DPP8: variants seen among roughly 807,000 people sequenced by gnomAD.
DPP8 encodes dipeptidyl peptidase 8.
In DPP8, 31 loss-of-function variants were observed where a neutral mutation model predicts 107.5. The ratio of observed to expected loss-of-function variants is 0.29; its 90% CI spans 0.22 to 0.39. The LOEUF (loss-of-function observed/expected upper bound fraction) is 0.39. Among genes scored for constraint, DPP8 ranks in the 10% least tolerant of loss-of-function variants. The pLI is 1.00. For missense variants in DPP8, 842 were observed against 1,076.1 expected (o/e 0.78, Z 3.04); for synonymous variants, 381 against 356.6 (o/e 1.07, Z -0.77).
chr15:65,451,188 C>G, intron 18 of DPP8, 78 bp from the exon 19 acceptor site: 1 of 830,828 alleles, frequency 1.2e-6, no homozygotes, highest in South Asian at 1.4e-5. Context: ...TTTAATCATA[C>G]TTAACCATAT....
intron 6 of DPP8, among the ~76,000 whole-genome samples, 158 bp from the exon 7 acceptor site, chr15:65,487,976 T>C (rs961432325): frequency 6.6e-6 from 1 of 152,184 alleles, no homozygotes; most frequent in African/African-American, 2.4e-5. Flanking sequence ...GTCTTTGCAG[T>C]AGCAAGGTGA....
At chr15:65,492,203 G>A (rs2068105298) in intron 5 of DPP8, among the ~76,000 whole-genome samples, 2 of 152,082 alleles carry the variant, frequency 1.3e-5, no homozygotes, top group Admixed American at 1.3e-4. Flanking sequence ...TTAGCCAGGT[G>A]TGATGGCAGG....
At chr15:65,485,999 C>G (rs1412972343) in intron 7 of DPP8, among the ~76,000 whole-genome samples, 1 of 150,958 alleles carries the variant, frequency 6.6e-6, no homozygotes, top group Non-Finnish European at 1.5e-5. Flanking sequence ...GGGGCTGAGG[C>G]AGGAGAATTG....
chr15:65,451,541 A>G (rs2063976095), intron 18 of DPP8, among the ~76,000 whole-genome samples: 1 of 152,204 alleles, frequency 6.6e-6, no homozygotes, highest in Admixed American at 6.5e-5. Flanking sequence ...CTAGTATAAC[A>G]TTTGTCTTGG....
chr15:65,483,934 T>C (rs973627041), intron 8 of DPP8, among the ~76,000 whole-genome samples: 2 of 152,182 alleles, frequency 1.3e-5, no homozygotes, highest in African/African-American at 2.4e-5. Flanking sequence ...TGGATGGACC[T>C]TGAAAACAAT....
rs1270934363 is a variant in DPP8, at chr15:65,446,411, T to C, written c.*473A>G. On this transcript the variant is annotated 3_prime_UTR_variant, in exon 20 of 20. Transcript: ENST00000300141. ...TAACATGCTGGATATGCCCAAGCAA[T>C]GAAGCATAAGCTATTCAATTACATT... The C allele has an allele frequency of 6.6e-6, 1 of 152,654 alleles. No homozygotes were observed. The highest frequency in any genetic ancestry group is 1.5e-5 in the Non-Finnish European group (1 of 68,036). 9.5% of individuals were successfully genotyped at this position (152,654 alleles called of 1,614,324 possible).
At chr15:65,494,123 C>T (rs1479897503) in intron 5 of DPP8, among the ~76,000 whole-genome samples, 1 of 143,302 alleles carries the variant, frequency 7.0e-6, no homozygotes, top group African/African-American at 2.6e-5. Context: ...AAATGGTAGA[C>T]TTGAAATTCA....
At chr15:65,463,094 A>G (rs974175663) in intron 15 of DPP8, among the ~76,000 whole-genome samples, 11 of 152,226 alleles carry the variant, frequency 7.2e-5, no homozygotes, top group Admixed American at 5.2e-4. Flanking sequence ...CTTTCTAAAA[A>G]TATCTGTTAA....
At chr15:65,459,400 T>A (rs2140414657) in intron 15 of DPP8, 1 of 152,294 alleles carries the variant, frequency 6.6e-6, no homozygotes, top group Middle Eastern at 3.4e-3. Context: ...ACTCCTGGGC[T>A]AAAGCGATCC....
intron 8 of DPP8, 74 bp from the exon 9 acceptor site, chr15:65,481,689 A>C (rs1697595799): frequency 1.1e-6 from 1 of 925,234 alleles, no homozygotes; most frequent in Non-Finnish European, 1.6e-6. Flanking sequence ...GTCTACTTTA[A>C]CAATTTATCC....
chr15:65,480,748 C>CGATCATGCCACTGCACT (rs1491141974), intron 9 of DPP8, among the ~76,000 whole-genome samples: 1 of 152,036 alleles, frequency 6.6e-6, no homozygotes, highest in East Asian at 1.9e-4. Flanking sequence ...CAGTAAGCTA[C>CGATCATGCCACTGCACT]GATCATGCCA....
chr15:65,447,002 T>C lies in DPP8; in HGVS notation c.2531A>G (p.Tyr844Cys), dbSNP rs2063527396. ...TCTTATGCTGTGTCTCTCCTGAGGA[T>C]AGATCTTACCAACAACAAAAAATAA... is the stretch of plus-strand genomic sequence containing the variant. Reference protein sequence around the residue: ...RAGKPYDLQIYPQERHSIRVP... With the variant: ...RAGKPYDLQICPQERHSIRVP... Residue 844 changes from tyrosine to cysteine, a missense_variant, in exon 20 of 20, where the codon TAT becomes TGT. Tyr to Cys is a radical substitution (Grantham distance 194). This residue lies in a region of DPP8 where 179 missense variants were observed against 318.0 expected (regional missense o/e 0.56). Coordinates refer to ENST00000300141, the MANE Select transcript of DPP8 (RefSeq NM_130434.5). 1 of 1,576,006 alleles carries C rather than the reference T, an allele frequency of 6.3e-7. No homozygotes were observed. Among genetic ancestry groups the C allele is most frequent in the Non-Finnish European group, 8.6e-7 (1 of 1,167,204 alleles).
chr15:65,489,524 C>T (rs1469793038), intron 6 of DPP8, among the ~76,000 whole-genome samples: 1 of 145,608 alleles, frequency 6.9e-6, no homozygotes, highest in Admixed American at 7.3e-5. Flanking sequence ...CGTCATTCTC[C>T]TGCCTCGGCC....
At chr15:65,461,323 TGTAGAGACGGG>T (rs1317373859) in intron 15 of DPP8, among the ~76,000 whole-genome samples, 3 of 152,068 alleles carry the variant, frequency 2.0e-5, no homozygotes, top group African/African-American at 7.2e-5. Context: ...TTTATTTTTC[TGTAGAGACGGG>T]GTCTCACTTT....
At chr15:65,483,787 T>C (rs2067156012) in intron 8 of DPP8, among the ~76,000 whole-genome samples, 2 of 152,078 alleles carry the variant, frequency 1.3e-5, no homozygotes, top group African/African-American at 4.8e-5. Context: ...CACATACTCA[T>C]GGCAGCATTA....
At chr15:65,481,345 C>G (rs1264114258) in intron 9 of DPP8, among the ~76,000 whole-genome samples, 170 bp downstream of exon 9, 1 of 152,176 alleles carries the variant, frequency 6.6e-6, no homozygotes, top group Non-Finnish European at 1.5e-5. Context: ...TATAGGATTA[C>G]AAATGCACAA....
At chr15:65,497,041 CCA>C (rs2068675040) in intron 5 of DPP8, among the ~76,000 whole-genome samples, 1 of 152,100 alleles carries the variant, frequency 6.6e-6, no homozygotes, top group Non-Finnish European at 1.5e-5. Context: ...CAGGTGTGCA[CCA>C]CCATTCCGGC....
At chr15:65,458,585 C>T (rs183288537) in intron 15 of DPP8, 1 of 152,082 alleles carries the variant, frequency 6.6e-6, no homozygotes. Flanking sequence ...TTTAGAAACA[C>T]AGCTGTTAAT....
chr15:65,469,133 G>A (rs146654645), intron 12 of DPP8, among the ~76,000 whole-genome samples: 1,846 of 151,942 alleles, frequency 0.012, 25 homozygotes, highest in South Asian at 0.045. Context: ...GTACCACCAC[G>A]CCTGGCTAAT....
Sources: gnomAD v4.1 joint callset for allele counts (sites outside exome capture counted in the v4.1 genomes callset) on GRCh38, gnomAD v4.1.1 for gene constraint, gnomAD v4.1.1 regional missense constraint, MANE v1.5 for transcripts, NCBI Gene and HGNC (gene_info 2026-07-23, HGNC 2026-07-21) for gene names.